Variants in PCDH9 observed in about 807,000 individuals in gnomAD.
PCDH9 encodes protocadherin 9, also known as protocadherin-9.
A neutral mutation model predicts 70.6 loss-of-function variants in PCDH9; 24 were observed. The ratio of observed to expected loss-of-function variants is 0.34; its 90% CI spans 0.25 to 0.48. The LOEUF (loss-of-function observed/expected upper bound fraction) is 0.48. Among genes scored for constraint, PCDH9 ranks in the 20% least tolerant of loss-of-function variants. The probability of loss-of-function intolerance (pLI) is 0.99; values close to 1 mark genes in which losing one functional copy is unlikely to be tolerated. For synonymous variants in PCDH9, 562 were observed against 558.5 expected, an observed-to-expected ratio of 1.01 and a Z score of -0.09; for missense variants, 1,281 against 1,503.6, an observed-to-expected ratio of 0.85 and a Z score of 2.45.
At chr13:67,110,222 A>T (rs58145156) in intron 2 of PCDH9, among the ~76,000 whole-genome samples, 1 of 151,964 alleles carries the variant, frequency 6.6e-6, no homozygotes, top group Non-Finnish European at 1.5e-5. Flanking sequence ...AACAAAAAAC[A>T]AAAAAAGAGA....
chr13:66,764,661 T>C (rs1178914252), intron 3 of PCDH9, among the ~76,000 whole-genome samples: 2 of 152,012 alleles, frequency 1.3e-5, no homozygotes, highest in Admixed American at 6.6e-5. Flanking sequence ...ATCTATGGAA[T>C]AGAGTTTGAA....
chr13:67,033,919 C>T (rs2084957273), intron 2 of PCDH9, among the ~76,000 whole-genome samples: 1 of 152,188 alleles, frequency 6.6e-6, no homozygotes, highest in African/African-American at 2.4e-5. Context: ...GAGATTCAGA[C>T]TCTGAAATTC....
At chr13:67,010,953 A>G (rs2084440743) in intron 2 of PCDH9, among the ~76,000 whole-genome samples, 1 of 151,946 alleles carries the variant, frequency 6.6e-6, no homozygotes, top group African/African-American at 2.4e-5. Flanking sequence ...AGACATTGTG[A>G]TATTTATCAC....
At chr13:66,595,226 T>C (rs900891060) in intron 4 of PCDH9, among the ~76,000 whole-genome samples, 1 of 151,530 alleles carries the variant, frequency 6.6e-6, no homozygotes, top group Non-Finnish European at 1.5e-5. Context: ...TGTGGGAAGG[T>C]AGGAGCCTAA....
intron 2 of PCDH9, among the ~76,000 whole-genome samples, chr13:66,965,631 A>G (rs2083422242): frequency 6.6e-6 from 1 of 152,030 alleles, no homozygotes; most frequent in South Asian, 2.1e-4. Flanking sequence ...ATCACATCTT[A>G]GATCAGAATT....
chr13:66,803,614 GGTTTT>G (rs987761987), intron 3 of PCDH9, among the ~76,000 whole-genome samples: 5 of 152,028 alleles, frequency 3.3e-5, no homozygotes, highest in African/African-American at 1.2e-4. Flanking sequence ...CAGGGCAGCA[GGTTTT>G]GTTTTATTTT....
intron 4 of PCDH9, among the ~76,000 whole-genome samples, chr13:66,461,516 A>C (rs1958424872): frequency 6.8e-6 from 1 of 146,582 alleles, no homozygotes; most frequent in South Asian, 2.1e-4. Flanking sequence ...CTAATCCATT[A>C]AAAAAAAACT....
chr13:66,471,982 G>A (rs1203210056), intron 4 of PCDH9, among the ~76,000 whole-genome samples: 1 of 151,996 alleles, frequency 6.6e-6, no homozygotes, highest in East Asian at 1.9e-4. Context: ...AGGCCGAGGC[G>A]GGCGGATCGC....
At chr13:66,615,567 T>C (rs2077345210) in intron 4 of PCDH9, among the ~76,000 whole-genome samples, 1 of 152,250 alleles carries the variant, frequency 6.6e-6, no homozygotes, top group Non-Finnish European at 1.5e-5. Flanking sequence ...TATAAAACTT[T>C]AGCAGGTGCT....
intron 4 of PCDH9, among the ~76,000 whole-genome samples, chr13:66,560,612 C>T (rs1013274363): frequency 6.6e-6 from 1 of 152,190 alleles, no homozygotes. Flanking sequence ...ATACTTAGCA[C>T]TTGTTGTCAT....
intron 4 of PCDH9, among the ~76,000 whole-genome samples, chr13:66,500,685 A>G (rs1036342889): frequency 6.6e-6 from 1 of 152,082 alleles, no homozygotes; most frequent in Admixed American, 6.6e-5. Context: ...TCAGTTTCCA[A>G]AGAAGGATTA....
At chr13:66,516,087 C>T (rs978127124) in intron 4 of PCDH9, among the ~76,000 whole-genome samples, 2 of 151,860 alleles carry the variant, frequency 1.3e-5, no homozygotes, top group Admixed American at 1.3e-4. Flanking sequence ...ATTATTGTCC[C>T]ATCTAACTTT....
chr13:67,129,890 G>T (rs1029807492), intron 2 of PCDH9, among the ~76,000 whole-genome samples: 3 of 151,900 alleles, frequency 2.0e-5, no homozygotes, highest in Non-Finnish European at 4.4e-5. Context: ...AGTGAAAAAT[G>T]AGAGTAAAAA....
chr13:67,191,405 A>C (rs960151258), intron 2 of PCDH9, among the ~76,000 whole-genome samples: 2 of 152,234 alleles, frequency 1.3e-5, no homozygotes, highest in Admixed American at 6.5e-5. Flanking sequence ...AATTTGAATA[A>C]ATTTGAAGAA....
chr13:66,364,886 C>G (rs1420297270), intron 4 of PCDH9, among the ~76,000 whole-genome samples: 1 of 152,128 alleles, frequency 6.6e-6, no homozygotes, highest in Non-Finnish European at 1.5e-5. Flanking sequence ...GAACGGCAGA[C>G]TCAAGTCAAA....
intron 2 of PCDH9, among the ~76,000 whole-genome samples, chr13:67,022,599 A>T: frequency 6.6e-6 from 1 of 152,196 alleles, no homozygotes; most frequent in East Asian, 1.9e-4. Context: ...AGCCCACTAC[A>T]CTGGCCATCA....
chr13:66,980,090 ATCT>A (rs2083709149), intron 2 of PCDH9, among the ~76,000 whole-genome samples: 2 of 148,652 alleles, frequency 1.3e-5, no homozygotes, highest in African/African-American at 5.1e-5. Context: ...CTATCTATCT[ATCT>A]ATCTATCTAT....
In PCDH9 at chr13:67,227,587, G is replaced by A; in HGVS notation, c.854C>T (p.Ala285Val). 1.2e-6 allele frequency: 2 copies of A among 1,614,090 alleles called. No individual in the cohort carries two copies. Among genetic ancestry groups the A allele is most frequent in the Non-Finnish European group, 1.7e-6 (2 of 1,179,954 alleles). The change falls in exon 2 of 5, where the codon GCT (alanine) becomes GTT (valine). Residue 285 changes from alanine (A) to valine (V), a missense_variant. Physicochemically the swap from Ala to Val is moderately conservative, Grantham distance 64 (BLOSUM62 0). Coordinates refer to ENST00000377865, the MANE Select transcript of PCDH9 (RefSeq NM_203487.3). The surrounding 1 kb of genome is among the most constrained non-coding windows in gnomAD (Gnocchi z 4.6). ...HATDADIGSN[A>V]EIRYIFGAQV... ...GGCACCAAAAATGTACCGGATTTCA[G>A]CATTACTGCCTATATCTGCATCAGT...
At position 66,694,372 on chromosome 13, in the gene PCDH9, A is replaced by G. The variant is rs1193528006; in HGVS notation, c.3139-62961T>C. ...GCAAGTTAATTTATAAGGTCAGTTA[A>G]GGGAAAAACATTATCACACAACTAA... On this transcript the variant is annotated intron_variant, in intron 3 of 4. Transcript: ENST00000377865. Among the ~76,000 whole-genome samples the G allele has an allele frequency of 3.3e-5, 5 of 152,226 alleles. 1 individual carries two copies. The highest frequency in any genetic ancestry group is 6.3e-3 in the Middle Eastern group (2 of 316).
Sources: allele counts gnomAD v4.1 joint callset (sites outside exome capture counted in the v4.1 genomes callset), GRCh38; gene constraint gnomAD v4.1.1; non-coding constraint Gnocchi (gnomAD v3.1); transcripts MANE v1.5; gene names NCBI Gene and HGNC (gene_info 2026-07-23, HGNC 2026-07-21).